Variants in SIPA1L3 observed in about 807,000 individuals in gnomAD.
SIPA1L3 encodes the protein signal induced proliferation associated 1 like 3.
A neutral mutation model predicts 150.1 loss-of-function variants in SIPA1L3; 59 were observed. The ratio of observed to expected loss-of-function variants is 0.39; its 90% CI spans 0.32 to 0.49. The LOEUF (loss-of-function observed/expected upper bound fraction) is 0.49, where lower values mean the gene tolerates loss of function less well. Among genes scored for constraint, SIPA1L3 ranks in the 20% least tolerant of loss-of-function variants. The probability of loss-of-function intolerance (pLI) is 0.86; values close to 1 mark genes in which losing one functional copy is unlikely to be tolerated. For synonymous variants in SIPA1L3, 1,070 were observed against 1,077.6 expected, an observed-to-expected ratio of 0.99 and a Z score of 0.14; for missense variants, 2,211 against 2,489.5, an observed-to-expected ratio of 0.89 and a Z score of 2.38.
At chr19:37,957,980 C>T (rs1254310831) in intron 1 of SIPA1L3, among the ~76,000 whole-genome samples, 1 of 152,096 alleles carries the variant, frequency 6.6e-6, no homozygotes, top group East Asian at 1.9e-4. Flanking sequence ...TCCAAAAGTG[C>T]TGGAATTACA....
In SIPA1L3 at chr19:38,100,110, C is replaced by A. The variant is rs372139467; in HGVS notation, c.1814C>A (p.Pro605His). The A allele has an allele frequency of 6.9e-6, 11 of 1,601,478 alleles. No individual in the cohort carries two copies. Among genetic ancestry groups the A allele is most frequent in the Non-Finnish European group, 6.0e-6 (7 of 1,175,206 alleles). ...TGCCTGCGGCTGGCCCTCAACACCC[C>A]CAAGGTGACGGAGCAACTGCTGAAG... ...IHCLRLALNT[P>H]KVTEQLLKLD... Residue 605 changes from proline (P) to histidine (H), a missense_variant, in exon 5 of 22, where the codon CCC becomes CAC. Physicochemically the swap from Pro to His is moderately conservative, Grantham distance 77. Coordinates refer to ENST00000222345, the MANE Select transcript of SIPA1L3 (RefSeq NM_015073.3).
chr19:38,069,099 G>A (rs1952496761), intron 2 of SIPA1L3, among the ~76,000 whole-genome samples: 1 of 152,154 alleles, frequency 6.6e-6, no homozygotes, highest in African/African-American at 2.4e-5. Context: ...TTCACAGTCT[G>A]GGGAAGACAG....
rs753434744 is a variant in SIPA1L3, at chr19:38,082,108, G to A, written c.543G>A (p.Ala181=). 41 of 1,608,410 alleles carry A rather than the reference G, an allele frequency of 2.5e-5. No homozygotes were observed. The Admixed American group carries it at 4.2e-4, about 16-fold the overall frequency. Residue 181 remains alanine, a synonymous_variant, in exon 3 of 22, where the codon GCG becomes GCA. Coordinates refer to ENST00000222345, the MANE Select transcript of SIPA1L3 (RefSeq NM_015073.3). ...AGATCACCCTCAGCGAGTGTGACGC[G>A]GAGGACGCGGGGGAGCCGCGGGGGG... ...SSEITLSECD[A]EDAGEPRGAR... is the part of the protein sequence containing the mutation.
At chr19:38,101,817 T>C (rs538543688) in intron 6 of SIPA1L3, among the ~76,000 whole-genome samples, 1 of 152,310 alleles carries the variant, frequency 6.6e-6, no homozygotes, top group East Asian at 1.9e-4. Context: ...CTGTCTAATG[T>C]GCACGTGCAT....
intron 2 of SIPA1L3, among the ~76,000 whole-genome samples, chr19:38,043,265 G>T (rs1968967340): frequency 6.6e-6 from 1 of 152,162 alleles, no homozygotes. Context: ...GCTTGAACCT[G>T]GGAGGCGGAG....
At chr19:38,157,007 A>T (rs1026690234) in intron 13 of SIPA1L3, among the ~76,000 whole-genome samples, 26 of 151,702 alleles carry the variant, frequency 1.7e-4, no homozygotes, top group Non-Finnish European at 7.4e-5. Flanking sequence ...TACAAAAAAT[A>T]AAAAAATATA....
chr19:38,129,903 C>G (rs1246512659), intron 9 of SIPA1L3, among the ~76,000 whole-genome samples: 1 of 151,984 alleles, frequency 6.6e-6, no homozygotes, highest in Non-Finnish European at 1.5e-5. Context: ...CCTGTCTCTA[C>G]TAAAAATACA....
chr19:38,022,368 C>T (rs1968391971), intron 1 of SIPA1L3, among the ~76,000 whole-genome samples: 1 of 152,036 alleles, frequency 6.6e-6, no homozygotes, highest in Non-Finnish European at 1.5e-5. Context: ...GTCGAGGCTG[C>T]AGTGAGCTAT....
intron 9 of SIPA1L3, among the ~76,000 whole-genome samples, chr19:38,124,037 A>G (rs1031230201): frequency 5.4e-5 from 8 of 147,226 alleles, no homozygotes; most frequent in African/African-American, 1.8e-4. Context: ...CTCACCTCCC[A>G]GTAGGGGCGG....
intron 1 of SIPA1L3, among the ~76,000 whole-genome samples, chr19:37,930,449 G>A (rs570922253): frequency 2.0e-5 from 3 of 152,212 alleles, no homozygotes; most frequent in Admixed American, 6.5e-5. Flanking sequence ...GTGAGCCACC[G>A]TGCCCAGCAT....
intron 1 of SIPA1L3, among the ~76,000 whole-genome samples, chr19:37,980,669 G>A (rs1967181037): frequency 7.3e-6 from 1 of 136,756 alleles, no homozygotes; most frequent in South Asian, 2.4e-4. Context: ...ATGGTCAATG[G>A]AGGAACCGTG....
chr19:37,910,714 C>T lies in SIPA1L3; in HGVS notation c.-379+3356C>T, dbSNP rs534665978. On this transcript the variant is annotated intron_variant, in intron 1 of 21. Transcript: ENST00000222345. ...CCACCTCCTAGGTTCAAGCGATTCT[C>T]CTGCCTCAGCCTCCTGAGTATCTGG... Among the ~76,000 whole-genome samples the T allele has an allele frequency of 3.3e-5, 5 of 152,238 alleles. No individual in the cohort carries two copies. The South Asian group carries it at 1.0e-3, about 32-fold the overall frequency.
chr19:37,912,804 C>A (rs1461132760), intron 1 of SIPA1L3, among the ~76,000 whole-genome samples: 4 of 152,232 alleles, frequency 2.6e-5, no homozygotes, highest in African/African-American at 9.6e-5. Context: ...CCAACTCAAT[C>A]ACTTGAAACA....
intron 1 of SIPA1L3, among the ~76,000 whole-genome samples, chr19:37,956,086 C>A (rs2145563398): frequency 2.0e-5 from 3 of 152,306 alleles, no homozygotes; most frequent in Middle Eastern, 6.8e-3. Flanking sequence ...AACTCCTGGG[C>A]TCAAGCTGTT....
rs867758691 is a variant in SIPA1L3 at position 37,977,190 on chromosome 19, A to T, written c.-378-51899A>T. 2.6e-5 allele frequency among the ~76,000 whole-genome samples: 4 copies of T among 151,770 alleles called. No homozygotes were observed. In the South Asian group the frequency reaches 6.2e-4, roughly 24 times the overall value. On this transcript the variant is annotated intron_variant, in intron 1 of 21. Transcript: ENST00000222345. ...AAAAAAAATTTTTTTTATGAGATGGAGGCTTGCTCTGTCGCCCAGGCTGGA... is the reference window on the plus strand; with the variant it reads ...AAAAAAAATTTTTTTTATGAGATGGTGGCTTGCTCTGTCGCCCAGGCTGGA...
chr19:37,944,014 C>G (rs368074039), intron 1 of SIPA1L3, among the ~76,000 whole-genome samples: 1 of 152,132 alleles, frequency 6.6e-6, no homozygotes, highest in African/African-American at 2.4e-5. Flanking sequence ...GGGCCGGACA[C>G]GCCTGTAATC....
intron 9 of SIPA1L3, among the ~76,000 whole-genome samples, chr19:38,124,608 G>A: frequency 6.6e-6 from 1 of 152,204 alleles, no homozygotes; most frequent in South Asian, 2.1e-4. Flanking sequence ...GTGGCGGCCG[G>A]GCAGAGGCTG....
rs755503277 is a variant in SIPA1L3 at position 38,082,267 on chromosome 19, G to T, written c.702G>T (p.Gly234=). The change falls in exon 3 of 22, where the codon GGG becomes GGT. Residue 234 remains glycine (G), a synonymous_variant. Transcript: ENST00000222345. Reference sequence around the variant, plus strand: ...GCAGCGAGCAGCCCGACGCCCGAGGGTGCCAGGCCCTCACCGAGCTCCTCC... The same window carrying T: ...GCAGCGAGCAGCCCGACGCCCGAGGTTGCCAGGCCCTCACCGAGCTCCTCC... ...EFRSEQPDAR[G]CQALTELLRA... 3 of 1,600,498 alleles carry T rather than the reference G, an allele frequency of 1.9e-6. No individual in the cohort carries two copies. Among genetic ancestry groups the T allele is most frequent in the African/African-American group, 1.3e-5 (1 of 75,040 alleles).
Position 38,004,516 on chromosome 19 carries a change from T to G in SIPA1L3, c.-378-24573T>G, listed in dbSNP as rs924965096. Among the ~76,000 whole-genome samples the G allele has an allele frequency of 5.3e-5, 8 of 152,336 alleles. No individual in the cohort carries two copies. The East Asian group carries it at 1.2e-3, about 22-fold the overall frequency. Reference sequence around the variant, plus strand: ...TGTCTCTTTATTGTTCCCTCTGATGTCAGTGTCATCCTCAAACGTGGCTCC... The same window carrying G: ...TGTCTCTTTATTGTTCCCTCTGATGGCAGTGTCATCCTCAAACGTGGCTCC... On this transcript the variant is annotated intron_variant, in intron 1 of 21. Coordinates refer to ENST00000222345, the MANE Select transcript of SIPA1L3 (RefSeq NM_015073.3).
Sources: gnomAD v4.1 joint callset for allele counts (sites outside exome capture counted in the v4.1 genomes callset) on GRCh38, gnomAD v4.1.1 for gene constraint, MANE v1.5 for transcripts, NCBI Gene and HGNC (gene_info 2026-07-23, HGNC 2026-07-21) for gene names.